PCDHGA1: variants seen among roughly 807,000 people sequenced by gnomAD.
PCDHGA1 encodes protocadherin gamma subfamily A, 1.
In PCDHGA1, 32 loss-of-function variants were observed where a neutral mutation model predicts 58.0. That is an observed-to-expected ratio of 0.55 (90% confidence interval 0.42 to 0.74). The LOEUF (loss-of-function observed/expected upper bound fraction) is 0.74, where lower values mean the gene tolerates loss of function less well. Among genes scored for constraint, PCDHGA1 ranks in the 30% least tolerant of loss-of-function variants. The pLI, the probability that PCDHGA1 is intolerant of heterozygous loss-of-function variation, is 0.00. For missense variants in PCDHGA1, 1,205 were observed against 1,182.3 expected (o/e 1.02, Z -0.28); for synonymous variants, 498 against 501.1 (o/e 0.99, Z 0.08).
rs1484954022 is a variant in PCDHGA1 at position 141,511,920 on chromosome 5, T to C, written c.*747T>C. 1 of 156,200 alleles carries C rather than the reference T, an allele frequency of 6.4e-6. No individual in the cohort carries two copies. Among genetic ancestry groups the C allele is most frequent in the Non-Finnish European group, 1.4e-5 (1 of 70,262 alleles). The allele number at this position is 156,200 out of a possible 1,614,324, so 9.7% of individuals were successfully genotyped here. The stretch of plus-strand genomic sequence containing the variant: ...CTCCTCCTCAAACAAGAGACTCCAC[T>C]GCATGTTCCAAGACAGTATGGGGTG... On this transcript the variant is annotated 3_prime_UTR_variant, in exon 4 of 4. Coordinates refer to ENST00000517417, the MANE Select transcript of PCDHGA1 (RefSeq NM_018912.3).
At position 141,477,492 on chromosome 5, in the gene PCDHGA1, A is replaced by T; in HGVS notation, c.2422-17315A>T. ...AATGACAACCCTCCACAATCTTCTC[A>T]ATCTTCCTACGACGTTTACATTGAA... On this transcript the variant is annotated intron_variant, in intron 1 of 3. Coordinates refer to ENST00000517417, the MANE Select transcript of PCDHGA1 (RefSeq NM_018912.3). The surrounding 1 kb of genome is among the most constrained non-coding windows in gnomAD (Gnocchi z 4.9). The T allele has an allele frequency of 6.2e-7, 1 of 1,613,980 alleles. No individual in the cohort carries two copies. The highest frequency in any genetic ancestry group is 8.5e-7 in the Non-Finnish European group (1 of 1,179,958).
intron 1 of PCDHGA1, chr5:141,341,274 T>C (rs1757040433): frequency 6.2e-7 from 1 of 1,614,092 alleles, no homozygotes; most frequent in African/African-American, 1.3e-5. Flanking sequence ...AAGAGCCACC[T>C]GATTTTCCCC....
At chr5:141,417,635 G>A in intron 1 of PCDHGA1, 1 of 724,902 alleles carries the variant, frequency 1.4e-6, no homozygotes, top group Non-Finnish European at 2.1e-6. Context: ...CTGACGCCGG[G>A]GATCCCTCAG....
At position 141,334,233 on chromosome 5, in the gene PCDHGA1, G is replaced by C. The variant is rs1280562388; in HGVS notation, c.2421+1128G>C. 1 of 152,260 alleles carries C rather than the reference G, an allele frequency of 6.6e-6. No homozygotes were observed. The highest frequency in any genetic ancestry group is 1.5e-5 in the Non-Finnish European group (1 of 68,064). 9.4% of individuals were successfully genotyped at this position (152,260 alleles called of 1,614,324 possible). On this transcript the variant is annotated intron_variant, in intron 1 of 3. Coordinates refer to ENST00000517417, the MANE Select transcript of PCDHGA1 (RefSeq NM_018912.3). This position sits in a 1 kb window ranked among gnomAD's most constrained non-coding sequence, Gnocchi z 4.6. The stretch of plus-strand genomic sequence containing the variant: ...CCAGCAATGTAATAGGGACAGAAGT[G>C]CTTCAGACTAGATAAATATCTGGAC...
intron 1 of PCDHGA1, chr5:141,372,345 C>G: frequency 1.2e-6 from 2 of 1,613,816 alleles, no homozygotes; most frequent in South Asian, 2.2e-5. Context: ...TGATGGAGGA[C>G]AGCAGCCTCT....
rs759439765 is a variant in PCDHGA1 at position 141,478,199 on chromosome 5, C to A, written c.2422-16608C>A. ...GAAAAAAAATCTCACCTTTTATCTA[C>A]TTCTTTCTCTAATCCTGGTTTCTGT... On this transcript the variant is annotated intron_variant, in intron 1 of 3. Coordinates refer to ENST00000517417, the MANE Select transcript of PCDHGA1 (RefSeq NM_018912.3). The A allele has an allele frequency of 3.8e-5, 62 of 1,613,938 alleles. No homozygotes were observed. Among genetic ancestry groups the A allele is most frequent in the Non-Finnish European group, 5.0e-5 (59 of 1,180,046 alleles).
chr5:141,423,078 C>T (rs752144906), intron 1 of PCDHGA1: 2 of 1,614,108 alleles, frequency 1.2e-6, no homozygotes, highest in Non-Finnish European at 1.7e-6. Context: ...AGCCGGGACT[C>T]TTCGCGGTGG....
Position 141,431,145 on chromosome 5 carries a change from A to G in PCDHGA1, c.2422-63662A>G. The G allele has an allele frequency of 1.2e-6, 2 of 1,614,244 alleles. No homozygotes were observed. Among genetic ancestry groups the G allele is most frequent in the Non-Finnish European group, 1.7e-6 (2 of 1,180,042 alleles). On this transcript the variant is annotated intron_variant, in intron 1 of 3. Transcript: ENST00000517417. The surrounding 1 kb of genome is among the most constrained non-coding windows in gnomAD (Gnocchi z 4.8). ...GTAGAAGTAAGGGACATTAACGACA[A>G]TGCGCCTTACTTTCGTGAAAGTGAA... is the stretch of plus-strand genomic sequence containing the variant.
In PCDHGA1 at chr5:141,332,986, C is replaced by G; in HGVS notation, c.2302C>G (p.Leu768Val). The change falls in exon 1 of 4, where the codon CTG (leucine) becomes GTG (valine). Residue 768 changes from leucine to valine, a missense_variant. Coordinates refer to ENST00000517417, the MANE Select transcript of PCDHGA1 (RefSeq NM_018912.3). This position sits in a 1 kb window ranked among gnomAD's most constrained non-coding sequence, Gnocchi z 4.6. Reference protein sequence around the residue: ...SLTADSRKSHLIFPQPNYADT... With the variant: ...SLTADSRKSHVIFPQPNYADT... The stretch of plus-strand genomic sequence containing the variant: ...CACTGCGGACTCGCGGAAGAGCCAC[C>G]TGATTTTCCCCCAGCCCAACTATGC... The G allele has an allele frequency of 6.2e-7, 1 of 1,614,222 alleles. No individual in the cohort carries two copies. Among genetic ancestry groups the G allele is most frequent in the Non-Finnish European group, 8.5e-7 (1 of 1,180,046 alleles).
intron 1 of PCDHGA1, chr5:141,374,688 G>C (rs750510871): frequency 1.9e-6 from 3 of 1,609,410 alleles, no homozygotes; most frequent in Admixed American, 1.7e-5. Flanking sequence ...ACACTGGACC[G>C]GGAAGGAGAA....
intron 1 of PCDHGA1, chr5:141,484,876 A>T (rs1461505847): frequency 6.3e-6 from 2 of 315,126 alleles, no homozygotes; most frequent in Admixed American, 9.4e-5. Flanking sequence ...CGTGGAGGAT[A>T]GGGTGGGCTT....
rs549866784 is a variant in PCDHGA1, at chr5:141,437,490, A to G, written c.2422-57317A>G. ...TTTTATAGCATATTTAATCTCGTAGATCACTTTTCAATGAATTATAAGGCT... is the reference window on the plus strand; with the variant it reads ...TTTTATAGCATATTTAATCTCGTAGGTCACTTTTCAATGAATTATAAGGCT... On this transcript the variant is annotated intron_variant, in intron 1 of 3. Coordinates refer to ENST00000517417, the MANE Select transcript of PCDHGA1 (RefSeq NM_018912.3). 2.0e-5 allele frequency among the ~76,000 whole-genome samples: 3 copies of G among 152,308 alleles called. No homozygotes were observed. In the East Asian group the frequency reaches 5.8e-4, roughly 29 times the overall value.
In PCDHGA1 at chr5:141,476,737, G is replaced by A. The variant is rs1420138912; in HGVS notation, c.2422-18070G>A. ...AGCGCGCCCTGGACCGAGAACGGGA[G>A]CCTAGTCTCCAGTTAGTGCTGACGG... is the stretch of plus-strand genomic sequence containing the variant. On this transcript the variant is annotated intron_variant, in intron 1 of 3. Coordinates refer to ENST00000517417, the MANE Select transcript of PCDHGA1 (RefSeq NM_018912.3). This position sits in a 1 kb window ranked among gnomAD's most constrained non-coding sequence, Gnocchi z 7.6. The A allele has an allele frequency of 3.1e-6, 5 of 1,613,982 alleles. No individual in the cohort carries two copies. Among genetic ancestry groups the A allele is most frequent in the Non-Finnish European group, 4.2e-6 (5 of 1,180,038 alleles).
At chr5:141,426,514 G>A (rs867794856) in intron 1 of PCDHGA1, 22 of 340,738 alleles carry the variant, frequency 6.5e-5, no homozygotes, top group Non-Finnish European at 8.2e-5. Context: ...ATACTTTACC[G>A]TGAACACGGA....
chr5:141,489,597 A>T lies in PCDHGA1; in HGVS notation c.2422-5210A>T. The T allele has an allele frequency of 6.2e-7, 1 of 1,614,100 alleles. No individual in the cohort carries two copies. Among genetic ancestry groups the T allele is most frequent in the African/African-American group, 1.3e-5 (1 of 75,040 alleles). ...AACACCCCCTGGAGCTAATCCGTGT[A>T]GAGGTAGAGATCCTGGATCTCAATG... On this transcript the variant is annotated intron_variant, in intron 1 of 3. Transcript: ENST00000517417. The surrounding 1 kb of genome is among the most constrained non-coding windows in gnomAD (Gnocchi z 4.5).
At chr5:141,420,651 T>A (rs1357679146) in intron 1 of PCDHGA1, among the ~76,000 whole-genome samples, 1 of 152,274 alleles carries the variant, frequency 6.6e-6, no homozygotes, top group East Asian at 1.9e-4. Flanking sequence ...GTAAGAATTA[T>A]AGTTAGGCAT....
chr5:141,405,760 G>T (rs1048838050), intron 1 of PCDHGA1, among the ~76,000 whole-genome samples: 2 of 152,148 alleles, frequency 1.3e-5, no homozygotes, highest in East Asian at 3.9e-4. Context: ...TTACAGGCGT[G>T]AGCCACTGCG....
intron 1 of PCDHGA1, chr5:141,404,643 AC>A (rs769032535): frequency 2.5e-6 from 4 of 1,614,126 alleles, no homozygotes; most frequent in East Asian, 4.5e-5. Flanking sequence ...GAAATCCTGT[AC>A]CCTGCCCTCC....
At position 141,491,065 on chromosome 5, in the gene PCDHGA1, C is replaced by T; in HGVS notation, c.2422-3742C>T. On this transcript the variant is annotated intron_variant, in intron 1 of 3. Transcript: ENST00000517417. This position sits in a 1 kb window ranked among gnomAD's most constrained non-coding sequence, Gnocchi z 6.9. ...CCACAATGCGTGGCTCTCCTACTCA[C>T]TGTTGCCACAGTCCACAGCCCCAGG... 4 of 1,614,210 alleles carry T rather than the reference C, an allele frequency of 2.5e-6. No individual in the cohort carries two copies. Among genetic ancestry groups the T allele is most frequent in the Admixed American group, 1.7e-5 (1 of 60,030 alleles).
Sources: allele counts gnomAD v4.1 joint callset (sites outside exome capture counted in the v4.1 genomes callset), GRCh38; gene constraint gnomAD v4.1.1; non-coding constraint Gnocchi (gnomAD v3.1); transcripts MANE v1.5; gene names NCBI Gene and HGNC (gene_info 2026-07-23, HGNC 2026-07-21).